The following TBP variants were observed in gnomAD, a reference collection of about 807,000 sequenced individuals.
The protein encoded by TBP is TATA-box binding protein.
TBP carries 12 observed loss-of-function variants against 46.2 expected under a neutral mutation model. The ratio of observed to expected loss-of-function variants is 0.26; its 90% CI spans 0.17 to 0.42. TBP has a LOEUF of 0.42. Among genes scored for constraint, TBP ranks in the 10% least tolerant of loss-of-function variants. The pLI is 1.00. For missense variants in TBP, 229 were observed against 403.1 expected, an observed-to-expected ratio of 0.57 and a Z score of 3.70; for synonymous variants, 157 against 148.3, an observed-to-expected ratio of 1.06 and a Z score of -0.42.
In TBP at chr6:170,572,479, G is replaced by C; in HGVS notation, c.*214G>C. 1.7e-6 allele frequency: 1 copy of C among 581,654 alleles called. No homozygotes were observed. Among genetic ancestry groups the C allele is most frequent in the African/African-American group, 1.9e-5 (1 of 53,530 alleles). The allele number at this position is 581,654 out of a possible 1,614,324, so 36.0% of individuals were successfully genotyped here. A position where few individuals can be genotyped will look rare whatever the true frequency, so the allele number is the denominator to read the frequency against. On this transcript the variant is annotated 3_prime_UTR_variant, in exon 8 of 8. Transcript: ENST00000392092. ...TGAGAACACCGCGCAGCGTGACTGT[G>C]AGTTGCTCATACCGTGCTGCTATCT...
In TBP at chr6:170,572,364, A is replaced by G; in HGVS notation, c.*99A>G. ...CTTTAAATGGTGGTGTTGTGAGAAGATGGATGTTGAGTTGCAGGGTGTGGC... is the reference window on the plus strand; with the variant it reads ...CTTTAAATGGTGGTGTTGTGAGAAGGTGGATGTTGAGTTGCAGGGTGTGGC... On this transcript the variant is annotated 3_prime_UTR_variant, in exon 8 of 8. Transcript: ENST00000392092. 1 of 1,011,210 alleles carries G rather than the reference A, an allele frequency of 9.9e-7. No homozygotes were observed. The highest frequency in any genetic ancestry group is 1.5e-6 in the Non-Finnish European group (1 of 668,020). The allele number at this position is 1,011,210 out of a possible 1,614,324, so 62.6% of individuals were successfully genotyped here.
At position 170,562,259 on chromosome 6, in the gene TBP, C is replaced by G. The variant is rs757658844; in HGVS notation, c.497+26C>G. On this transcript the variant is annotated intron_variant, in intron 3 of 7. Transcript: ENST00000392092. ...GTGAGTACTTCGTGTTTTATGTTTC[C>G]TCCCACTTAGGAGTCCCTTTGAGTT... 3.1e-6 allele frequency: 5 copies of G among 1,600,990 alleles called. No individual in the cohort carries two copies. The East Asian group carries it at 1.1e-4, about 36-fold the overall frequency.
chr6:170,562,186 T>A lies in TBP; in HGVS notation c.450T>A (p.Thr150=). 1 of 1,613,948 alleles carries A rather than the reference T, an allele frequency of 6.2e-7. No individual in the cohort carries two copies. The highest frequency in any genetic ancestry group is 8.5e-7 in the Non-Finnish European group (1 of 1,179,964). The change falls in exon 3 of 8, where the codon ACT becomes ACA. Residue 150 remains threonine (T), a synonymous_variant. Coordinates refer to ENST00000392092, the MANE Select transcript of TBP (RefSeq NM_003194.5). ...CCATGACTCCCATGACCCCCATCAC[T>A]CCTGCCACGCCAGCTTCGGAGAGTT... The part of the protein sequence containing the change: ...PSPMTPMTPI[T]PATPASESSG...
At position 170,566,936 on chromosome 6, in the gene TBP, A is replaced by T; in HGVS notation, c.604A>T (p.Met202Leu). 2.5e-6 allele frequency: 4 copies of T among 1,613,482 alleles called. No homozygotes were observed. Among genetic ancestry groups the T allele is most frequent in the Non-Finnish European group, 3.4e-6 (4 of 1,179,590 alleles). Residue 202 changes from methionine to leucine, a missense_variant, in exon 5 of 8, where the codon ATG becomes TTG. Met to Leu is a conservative substitution (Grantham distance 15, BLOSUM62 2). Coordinates refer to ENST00000392092, the MANE Select transcript of TBP (RefSeq NM_003194.5). ...YNPKRFAAVI[M>L]RIREPRTTAL... Reference sequence around the variant, plus strand: ...ATTGTAGCGGTTTGCTGCGGTAATCATGAGGATAAGAGAGCCACGAACCAC... The same window carrying T: ...ATTGTAGCGGTTTGCTGCGGTAATCTTGAGGATAAGAGAGCCACGAACCAC...
At chr6:170,555,635 C>T (rs1388379164) in intron 1 of TBP, among the ~76,000 whole-genome samples, 1 of 152,130 alleles carries the variant, frequency 6.6e-6, no homozygotes, top group Non-Finnish European at 1.5e-5. Flanking sequence ...GAAAACACTG[C>T]GCTCTCTTCA....
intron 7 of TBP, among the ~76,000 whole-genome samples, chr6:170,571,765 G>C (rs767933097): frequency 1.3e-5 from 2 of 152,070 alleles, no homozygotes; most frequent in Non-Finnish European, 2.9e-5. Flanking sequence ...TTTTCACTTG[G>C]AATTAGTTAT....
chr6:170,564,364 A>G (rs904150968), intron 3 of TBP, among the ~76,000 whole-genome samples, 181 bp from the exon 4 acceptor site: 39 of 152,350 alleles, frequency 2.6e-4, no homozygotes, highest in African/African-American at 8.7e-4. Context: ...TATGTATTAA[A>G]TGGAATAATC....
At chr6:170,565,955 T>C (rs1779238249) in intron 4 of TBP, among the ~76,000 whole-genome samples, 1 of 151,942 alleles carries the variant, frequency 6.6e-6, no homozygotes, top group Non-Finnish European at 1.5e-5. Flanking sequence ...ACACCTATAA[T>C]CCCAGCTACT....
intron 7 of TBP, among the ~76,000 whole-genome samples, chr6:170,571,803 T>C (rs1779370553): frequency 6.6e-6 from 1 of 151,974 alleles, no homozygotes; most frequent in South Asian, 2.1e-4. Context: ...CTCAGCAATA[T>C]GATTATGAGA....
rs752404282 is a variant in TBP, at chr6:170,561,958, A to ACAGCAGCAGCAGCAG, written c.267_281dup (p.Gln91_Gln95dup). On this transcript the variant is annotated inframe_insertion, in exon 3 of 8. Coordinates refer to ENST00000392092, the MANE Select transcript of TBP (RefSeq NM_003194.5). ...AGCAGCAGCAGCAGCAGCAACAGCA[A>ACAGCAGCAGCAGCAG]CAGCAGCAGCAGCAGCAGCAGCAGC... 1.6e-4 allele frequency: 226 copies of ACAGCAGCAGCAGCAG among 1,405,176 alleles called. No homozygotes were observed. Among genetic ancestry groups the ACAGCAGCAGCAGCAG allele is most frequent in the East Asian group, 8.1e-4 (35 of 43,320 alleles). The allele number at this position is 1,405,176 out of a possible 1,614,324, so 87.0% of individuals were successfully genotyped here. A position where few individuals can be genotyped will look rare whatever the true frequency, so the allele number is the denominator to read the frequency against.
rs1288593800 is a variant in TBP, at chr6:170,568,823, T to C, written c.678-789T>C. 1.6e-4 allele frequency among the ~76,000 whole-genome samples: 18 copies of C among 109,172 alleles called. 5 individuals carry two copies. Among genetic ancestry groups the C allele is most frequent in the African/African-American group, 2.6e-4 (7 of 26,858 alleles). The allele number at this position is 109,172 out of a possible 152,430, so 71.6% of individuals were successfully genotyped here. A position where few individuals can be genotyped will look rare whatever the true frequency, so the allele number is the denominator to read the frequency against. ...TTTCTTTCTTTCCTTTTCTTTTTTT[T>C]TTTTTTTTTTTTTTTTTTTGGTGGA... On this transcript the variant is annotated intron_variant, in intron 5 of 7. Coordinates refer to ENST00000392092, the MANE Select transcript of TBP (RefSeq NM_003194.5).
intron 1 of TBP, among the ~76,000 whole-genome samples, chr6:170,556,042 A>T (rs1779020415): frequency 6.6e-6 from 1 of 152,202 alleles, no homozygotes; most frequent in Non-Finnish European, 1.5e-5. Flanking sequence ...AGTATGTAGG[A>T]TAGATAGTCT....
Position 170,566,954 on chromosome 6 carries a change from C to T in TBP, c.622C>T (p.Arg208Ter), listed in dbSNP as rs756008941. The change falls in exon 5 of 8, where the codon CGA becomes TGA. Residue 208 changes from arginine to a stop codon, truncating the protein, a stop_gained. Coordinates refer to ENST00000392092, the MANE Select transcript of TBP (RefSeq NM_003194.5). LOFTEE classifies it high-confidence loss of function. ...AAVIMRIREP[R>*]TTALIFSSGK... Reference sequence around the variant, plus strand: ...GGTAATCATGAGGATAAGAGAGCCACGAACCACGGCACTGATTTTCAGTTC... The same window carrying T: ...GGTAATCATGAGGATAAGAGAGCCATGAACCACGGCACTGATTTTCAGTTC... 4 of 1,613,626 alleles carry T rather than the reference C, an allele frequency of 2.5e-6. No individual in the cohort carries two copies. The highest frequency in any genetic ancestry group is 2.2e-5 in the East Asian group (1 of 44,850).
At chr6:170,564,734 G>T in intron 4 of TBP, 102 bp downstream of exon 4, 1 of 717,596 alleles carries the variant, frequency 1.4e-6, no homozygotes, top group Non-Finnish European at 2.1e-6. Context: ...AATGTCTGTA[G>T]ATCAGGCCAG....
rs75648303 is a variant in TBP at position 170,572,301 on chromosome 6, CTT to C, written c.*48_*49del. The C allele has an allele frequency of 1.5e-3, 1,826 of 1,191,366 alleles. No homozygotes were observed. The highest frequency in any genetic ancestry group is 1.8e-3 in the Non-Finnish European group (1,515 of 852,806). 73.8% of individuals were successfully genotyped at this position (1,191,366 alleles called of 1,614,324 possible). A position where few individuals can be genotyped will look rare whatever the true frequency, so the allele number is the denominator to read the frequency against. ...GTACCCTTGCCTCCCCCACCCCCTT[CTT>C]TTTTTTTTTTTAAACAAATCAGTTT... On this transcript the variant is annotated 3_prime_UTR_variant, in exon 8 of 8. Coordinates refer to ENST00000392092, the MANE Select transcript of TBP (RefSeq NM_003194.5).
At position 170,566,006 on chromosome 6, in the gene TBP, C is replaced by G. The variant is rs9460226; in HGVS notation, c.586-912C>G. On this transcript the variant is annotated intron_variant, in intron 4 of 7. Coordinates refer to ENST00000392092, the MANE Select transcript of TBP (RefSeq NM_003194.5). ...GAAGGATCTCTTGAGCTCAGGAATTCGAGGCTGCAGTGAGCCATGATTGCA... is the reference window on the plus strand; with the variant it reads ...GAAGGATCTCTTGAGCTCAGGAATTGGAGGCTGCAGTGAGCCATGATTGCA... Among the ~76,000 whole-genome samples, 585 of 151,814 alleles carry G rather than the reference C, an allele frequency of 3.9e-3. 6 individuals are homozygous for G. The highest frequency in any genetic ancestry group is 0.013 in the African/African-American group (549 of 41,350).
intron 2 of TBP, among the ~76,000 whole-genome samples, chr6:170,557,693 G>A (rs1779054533): frequency 8.3e-6 from 1 of 120,282 alleles, no homozygotes; most frequent in Admixed American, 1.1e-4. Flanking sequence ...CAGAGGTCGT[G>A]CCACTGCACT....
At chr6:170,566,205 C>T (rs1779243972) in intron 4 of TBP, among the ~76,000 whole-genome samples, 1 of 152,058 alleles carries the variant, frequency 6.6e-6, no homozygotes, top group Non-Finnish European at 1.5e-5. Flanking sequence ...TAAGTTGTTT[C>T]AAAGTAATTA....
chr6:170,572,380 A>G lies in TBP; in HGVS notation c.*115A>G. On this transcript the variant is annotated 3_prime_UTR_variant, in exon 8 of 8. Coordinates refer to ENST00000392092, the MANE Select transcript of TBP (RefSeq NM_003194.5). ...TGTGAGAAGATGGATGTTGAGTTGC[A>G]GGGTGTGGCACCAGGTGATGCCCTT... 1 of 869,424 alleles carries G rather than the reference A, an allele frequency of 1.2e-6. No homozygotes were observed. 53.9% of individuals were successfully genotyped at this position (869,424 alleles called of 1,614,324 possible). A position where few individuals can be genotyped will look rare whatever the true frequency, so the allele number is the denominator to read the frequency against.
Sources: allele counts gnomAD v4.1 joint callset (sites outside exome capture counted in the v4.1 genomes callset), GRCh38; gene constraint gnomAD v4.1.1; transcripts MANE v1.5; gene names NCBI Gene and HGNC (gene_info 2026-07-23, HGNC 2026-07-21).